Variants in ZRANB3 observed in about 807,000 individuals in gnomAD.
ZRANB3 encodes zinc finger RANBP2-type containing 3.
ZRANB3 carries 125 observed loss-of-function variants against 133.8 expected under a neutral mutation model. The observed-to-expected ratio is 0.93, with a 90% confidence interval of 0.81 to 1.08. The LOEUF (loss-of-function observed/expected upper bound fraction) is 1.08, where lower values mean the gene tolerates loss of function less well. Among genes scored for constraint, ZRANB3 ranks in the 50% least tolerant of loss-of-function variants. ZRANB3 has a pLI of 0.00. For synonymous variants in ZRANB3, 387 were observed against 432.7 expected (o/e 0.89, Z 1.31); for missense variants, 1,229 against 1,275.5 (o/e 0.96, Z 0.56).
chr2:135,219,244 G>T (rs1694437594), intron 15 of ZRANB3, 66 bp from the exon 16 acceptor site: 4 of 1,021,554 alleles, frequency 3.9e-6, no homozygotes, highest in East Asian at 3.0e-5. Flanking sequence ...TATTTTAAAT[G>T]AAAATAATTA....
intron 17 of ZRANB3, among the ~76,000 whole-genome samples, chr2:135,209,280 A>G (rs1174100228): frequency 6.6e-6 from 1 of 152,218 alleles, no homozygotes; most frequent in East Asian, 1.9e-4. Flanking sequence ...GTGTGAGAAT[A>G]AGAAATGATC....
chr2:135,437,590 C>A (rs1417742903), intron 2 of ZRANB3, among the ~76,000 whole-genome samples: 2 of 151,974 alleles, frequency 1.3e-5, no homozygotes, highest in Non-Finnish European at 2.9e-5. Flanking sequence ...TGATGTGGGC[C>A]CTTTCTGCAC....
intron 1 of ZRANB3, among the ~76,000 whole-genome samples, chr2:135,515,647 G>A (rs1266213027): frequency 6.6e-6 from 1 of 152,194 alleles, no homozygotes; most frequent in Non-Finnish European, 1.5e-5. Flanking sequence ...TGGTCTGAGA[G>A]ACTGTTTGTT....
intron 2 of ZRANB3, among the ~76,000 whole-genome samples, chr2:135,402,225 T>G (rs1213772978): frequency 6.6e-6 from 1 of 152,092 alleles, no homozygotes; most frequent in Admixed American, 6.6e-5. Flanking sequence ...TTCATCTTGA[T>G]TTGAGGCAAT....
intron 1 of ZRANB3, among the ~76,000 whole-genome samples, chr2:135,510,238 G>A (rs10209059): frequency 0.27 from 40,524 of 151,984 alleles, 9,029 homozygotes; most frequent in African/African-American, 0.6. Context: ...TGGCTGTTAG[G>A]AAAAAAATCC....
chr2:135,368,809 C>A (rs1686049270), intron 3 of ZRANB3, among the ~76,000 whole-genome samples: 1 of 151,934 alleles, frequency 6.6e-6, no homozygotes, highest in South Asian at 2.1e-4. Flanking sequence ...ACAGCTAACT[C>A]AATCCATGAA....
intron 2 of ZRANB3, among the ~76,000 whole-genome samples, chr2:135,406,669 A>C (rs1340387271): frequency 2.0e-5 from 3 of 152,238 alleles, no homozygotes; most frequent in Non-Finnish European, 2.9e-5. Flanking sequence ...GGTTCAACAT[A>C]CGAAAATCAA....
At chr2:135,284,278 T>C (rs1681240395) in intron 8 of ZRANB3, among the ~76,000 whole-genome samples, 1 of 152,250 alleles carries the variant, frequency 6.6e-6, no homozygotes, top group Non-Finnish European at 1.5e-5. Context: ...GGATTAGTGA[T>C]TGGCACATAG....
rs1472258628 is a variant in ZRANB3, at chr2:135,434,047, G to A, written c.162-43227C>T. Among the ~76,000 whole-genome samples, 4 of 151,678 alleles carry A rather than the reference G, an allele frequency of 2.6e-5. 1 individual carries two copies. In the East Asian group the frequency reaches 5.8e-4, roughly 22 times the overall value. On this transcript the variant is annotated intron_variant, in intron 2 of 20. Transcript: ENST00000264159. ...TGTGGTGGTAGATGCCTGTAATCCC[G>A]GATGCTCGGGAGGCTGAGGCAGGAG...
At chr2:135,202,667 C>CG in intron 20 of ZRANB3, 165 bp downstream of exon 20, 1 of 719,146 alleles carries the variant, frequency 1.4e-6, no homozygotes, top group Non-Finnish European at 2.1e-6. Flanking sequence ...ATCTGTGACA[C>CG]GGGCCTTGAG....
chr2:135,490,916 CAT>C (rs1330757919), intron 2 of ZRANB3, among the ~76,000 whole-genome samples: 1 of 152,054 alleles, frequency 6.6e-6, no homozygotes, highest in Non-Finnish European at 1.5e-5. Flanking sequence ...TGTTCGCACT[CAT>C]ATGTGGGAGC....
intron 2 of ZRANB3, among the ~76,000 whole-genome samples, chr2:135,431,050 G>A (rs1449510833): frequency 6.6e-6 from 1 of 151,764 alleles, no homozygotes; most frequent in African/African-American, 2.4e-5. Flanking sequence ...TGAGGCAGGA[G>A]GACTGCTGGA....
At chr2:135,523,956 G>A (rs1175941178) in intron 1 of ZRANB3, among the ~76,000 whole-genome samples, 1 of 152,194 alleles carries the variant, frequency 6.6e-6, no homozygotes, top group Non-Finnish European at 1.5e-5. Context: ...TTAAGTTACA[G>A]ATAAGCATTT....
In ZRANB3 at chr2:135,222,295, G is replaced by A. The variant is rs527861713; in HGVS notation, c.2250+2131C>T. 2.0e-3 allele frequency among the ~76,000 whole-genome samples: 298 copies of A among 151,718 alleles called. 1 individual carries two copies. The highest frequency in any genetic ancestry group is 6.9e-3 in the African/African-American group (287 of 41,310). On this transcript the variant is annotated intron_variant, in intron 15 of 20. Transcript: ENST00000264159. Reference sequence around the variant, plus strand: ...GTGGGTGCTGCAATCCCAGCTATTCGGGAGGCTGAGGCAGGAGAATCACTT... The same window carrying A: ...GTGGGTGCTGCAATCCCAGCTATTCAGGAGGCTGAGGCAGGAGAATCACTT...
chr2:135,417,834 A>T lies in ZRANB3; in HGVS notation c.162-27014T>A, dbSNP rs371594222. On this transcript the variant is annotated intron_variant, in intron 2 of 20. Transcript: ENST00000264159. ...TAGGGACTGGATGAAATTGGAAATC[A>T]TCACTCTCAGTAAACTATCGCAAGG... Among the ~76,000 whole-genome samples, 76 of 152,302 alleles carry T rather than the reference A, an allele frequency of 5.0e-4. No homozygotes were observed. In the South Asian group the frequency reaches 0.016, roughly 32 times the overall value.
At chr2:135,400,637 T>C in intron 2 of ZRANB3, among the ~76,000 whole-genome samples, 1 of 152,218 alleles carries the variant, frequency 6.6e-6, no homozygotes, top group South Asian at 2.1e-4. Flanking sequence ...AAACTTTCTT[T>C]AGGTCACTAA....
chr2:135,421,890 C>CTTTTTTTTTTTT (rs79373075), intron 2 of ZRANB3, among the ~76,000 whole-genome samples: 1 of 127,512 alleles, frequency 7.8e-6, no homozygotes, highest in Non-Finnish European at 1.7e-5. Flanking sequence ...TTTTTTTTTC[C>CTTTTTTTTTTTT]TTTTTTTTTT....
At chr2:135,486,686 G>T (rs1368783781) in intron 2 of ZRANB3, among the ~76,000 whole-genome samples, 1 of 152,012 alleles carries the variant, frequency 6.6e-6, no homozygotes, top group Admixed American at 6.6e-5. Flanking sequence ...GCTAATTTTT[G>T]TATTTTCAGT....
intron 2 of ZRANB3, among the ~76,000 whole-genome samples, chr2:135,428,277 T>C (rs551774869): frequency 1.3e-5 from 2 of 151,978 alleles, no homozygotes; most frequent in Admixed American, 1.3e-4. Context: ...ACCTCATCTA[T>C]ACTAAAAAAT....
Sources: allele counts gnomAD v4.1 joint callset (sites outside exome capture counted in the v4.1 genomes callset), GRCh38; gene constraint gnomAD v4.1.1; transcripts MANE v1.5; gene names NCBI Gene and HGNC (gene_info 2026-07-23, HGNC 2026-07-21).